Variants in SFTPC observed in about 807,000 individuals in gnomAD.
The protein encoded by SFTPC is surfactant protein C.
Under a neutral mutation model 19.9 loss-of-function variants are expected in SFTPC, and 12 were observed. That is an observed-to-expected ratio of 0.60 (90% CI 0.39 to 0.98). SFTPC has a LOEUF of 0.98. Ranked by LOEUF, SFTPC falls within the 50% of genes least tolerant of loss-of-function variation. The pLI, the probability that SFTPC is intolerant of heterozygous loss-of-function variation, is 0.00. For synonymous variants in SFTPC, 123 were observed against 103.3 expected, an observed-to-expected ratio of 1.19 and a Z score of -1.16; for missense variants, 219 against 252.2, an observed-to-expected ratio of 0.87 and a Z score of 0.89.
At chr8:22,157,836 A>T (rs948993732), upstream of SFTPC, among the ~76,000 whole-genome samples, 2 of 152,204 alleles carry the variant, frequency 1.3e-5, no homozygotes, top group Non-Finnish European at 2.9e-5. Context: ...TCGTTTTTCC[A>T]TTAAAAATGT....
At chr8:22,159,933 G>A, upstream of SFTPC, 16 of 858,662 alleles carry the variant, frequency 1.9e-5, no homozygotes, top group Non-Finnish European at 2.6e-5. Context: ...GCAGGGGTGG[G>A]CACTGCAGGC....
upstream of SFTPC, chr8:22,159,517 G>T: frequency 2.8e-6 from 1 of 360,882 alleles, no homozygotes; most frequent in Middle Eastern, 8.9e-4. Context: ...ACTCCAGGAG[G>T]CAGGCACCCT....
At chr8:22,159,440 C>G (rs1827628096), upstream of SFTPC, 1 of 299,214 alleles carries the variant, frequency 3.3e-6, no homozygotes, top group Non-Finnish European at 6.5e-6. Context: ...TTTGGCACAC[C>G]CAGCTAAAGG....
At chr8:22,160,385 G>A (rs191784131), upstream of SFTPC, among the ~76,000 whole-genome samples, 372 of 152,288 alleles carry the variant, frequency 2.4e-3, 3 homozygotes, top group African/African-American at 8.3e-3. Context: ...TTAGGAGGCC[G>A]AGATCACTTG....
intron 4 of SFTPC, 129 bp from the exon 5 acceptor site, chr8:22,163,772 C>A: frequency 1.0e-6 from 1 of 958,168 alleles, no homozygotes; most frequent in Non-Finnish European, 1.7e-6. Flanking sequence ...GACTCTAGCA[C>A]AGCCCCTCTT....
upstream of SFTPC, among the ~76,000 whole-genome samples, chr8:22,158,380 A>G (rs550904408): frequency 1.4e-4 from 21 of 151,960 alleles, no homozygotes; most frequent in African/African-American, 4.8e-4. Context: ...AACTGTCCCC[A>G]CCCGTCCCTG....
In SFTPC at chr8:22,163,103, G is replaced by T. The variant is rs369210212; in HGVS notation, c.225G>T (p.Ala75=). The change falls in exon 3 of 6, where the codon GCG becomes GCT. Residue 75 remains alanine, a synonymous_variant. Coordinates refer to ENST00000679463, the MANE Select transcript of SFTPC (RefSeq NM_001317778.2). ...TEMVLEMSIG[A]PEAQQRLALS... is the part of the protein sequence containing the mutation. ...AGGTTCTGGAGATGAGCATTGGGGC[G>T]CCGGAAGCCCAGCAACGCCTGGCCC... 161 of 1,614,026 alleles carry T rather than the reference G, an allele frequency of 1.0e-4. No individual in the cohort carries two copies. The highest frequency in any genetic ancestry group is 1.3e-4 in the Non-Finnish European group (156 of 1,180,020).
In SFTPC at chr8:22,164,018, G is replaced by C; in HGVS notation, c.553G>C (p.Glu185Gln). 6.2e-7 allele frequency: 1 copy of C among 1,612,210 alleles called. No individual in the cohort carries two copies. The highest frequency in any genetic ancestry group is 8.5e-7 in the Non-Finnish European group (1 of 1,180,018). Reference protein sequence around the residue: ...LGMAVSTLCGEVPLYYI With the variant: ...LGMAVSTLCGQVPLYYI ...CATGGCCGTGAGCACCCTGTGTGGC[G>C]AGGTGCCGCTCTACTACATCTAGGA... Residue 185 changes from glutamate to glutamine, a missense_variant, in exon 5 of 6, where the codon GAG becomes CAG. By Grantham distance (29) the Glu-to-Gln change is conservative. Coordinates refer to ENST00000679463, the MANE Select transcript of SFTPC (RefSeq NM_001317778.2).
chr8:22,163,769 G>C, intron 4 of SFTPC, 132 bp from the exon 5 acceptor site: 1 of 949,542 alleles, frequency 1.1e-6, no homozygotes, highest in Non-Finnish European at 1.7e-6. Flanking sequence ...TCTGACTCTA[G>C]CACAGCCCCT....
In SFTPC at chr8:22,163,883, A is replaced by G; in HGVS notation, c.436-18A>G. On this transcript the variant is annotated intron_variant, in intron 4 of 5. Transcript: ENST00000679463. ...TAGAAACTCACTTCCTACATTCCAG[A>G]TGGAATGCTCTCTGCAGGCCAAGCC... is the stretch of plus-strand genomic sequence containing the variant. The G allele has an allele frequency of 6.2e-7, 1 of 1,603,330 alleles. No homozygotes were observed. The highest frequency in any genetic ancestry group is 1.7e-4 in the Middle Eastern group (1 of 6,034).
rs755609275 is a variant in SFTPC, at chr8:22,162,583, G to A, written c.52G>A (p.Ala18Thr). The A allele has an allele frequency of 6.8e-6, 11 of 1,613,838 alleles. No individual in the cohort carries two copies. The highest frequency in any genetic ancestry group is 6.6e-5 in the South Asian group (6 of 91,062). ...VLMESPPDYS[A>T]APRGRFGIPC... ...TGCCCCACCGTGTCAGGACTACTCC[G>A]CAGCTCCCCGGGGCCGATTTGGCAT... is the stretch of plus-strand genomic sequence containing the variant. Residue 18 changes from alanine (A) to threonine (T), a missense_variant, in exon 2 of 6, where the codon GCA becomes ACA. Physicochemically the swap from Ala to Thr is moderately conservative, Grantham distance 58 (BLOSUM62 0). Coordinates refer to ENST00000679463, the MANE Select transcript of SFTPC (RefSeq NM_001317778.2).
upstream of SFTPC, among the ~76,000 whole-genome samples, chr8:22,158,402 C>T (rs1305768540): frequency 1.3e-5 from 2 of 152,266 alleles, no homozygotes; most frequent in African/African-American, 2.4e-5. Context: ...CACGGCTCTG[C>T]CCAGTACACA....
At chr8:22,161,591 T>A (rs1183197655), upstream of SFTPC, 2 of 1,323,702 alleles carry the variant, frequency 1.5e-6, no homozygotes, top group Non-Finnish European at 1.0e-6. Flanking sequence ...CCAGGTTTGC[T>A]CTTGCTGGGG....
At chr8:22,161,788 C>T, upstream of SFTPC, 1 of 1,614,000 alleles carries the variant, frequency 6.2e-7, no homozygotes, top group South Asian at 1.1e-5. Context: ...CCTGGTCACA[C>T]CTGGGAGAGG....
At chr8:22,161,601 GC>G, upstream of SFTPC, 1 of 1,394,518 alleles carries the variant, frequency 7.2e-7, no homozygotes, top group Non-Finnish European at 9.5e-7. Flanking sequence ...TCTTGCTGGG[GC>G]CAAGAGGACT....
rs957889901 is a variant in SFTPC, at chr8:22,163,115, G to A, written c.237G>A (p.Gln79=). The A allele has an allele frequency of 6.2e-7, 1 of 1,614,168 alleles. No homozygotes were observed. Among genetic ancestry groups the A allele is most frequent in the Non-Finnish European group, 8.5e-7 (1 of 1,180,028 alleles). The change falls in exon 3 of 6, where the codon CAG becomes CAA. Residue 79 remains glutamine, a synonymous_variant. Transcript: ENST00000679463. ...LEMSIGAPEA[Q]QRLALSEHLV... is the part of the protein sequence containing the mutation. ...TGAGCATTGGGGCGCCGGAAGCCCA[G>A]CAACGCCTGGCCCTGAGTGAGCACC...
At chr8:22,159,924 CA>C (rs986140202), upstream of SFTPC, 20 of 873,708 alleles carry the variant, frequency 2.3e-5, no homozygotes, top group African/African-American at 3.3e-4. Flanking sequence ...TGGGGGAGGG[CA>C]GGGGTGGGCA....
At chr8:22,160,702 G>C (rs10283091), upstream of SFTPC, among the ~76,000 whole-genome samples, 4,801 of 152,296 alleles carry the variant, frequency 0.032, 243 homozygotes, top group African/African-American at 0.11. Flanking sequence ...GAGTTTAGAG[G>C]TGAAGGGACT....
intron 3 of SFTPC, 112 bp from the exon 4 acceptor site, chr8:22,163,324 C>T (rs1827843870): frequency 6.5e-7 from 1 of 1,537,930 alleles, no homozygotes; most frequent in Non-Finnish European, 9.0e-7. Context: ...TGCCTGAGCC[C>T]CAGATTCTAG....
Sources: allele counts gnomAD v4.1 joint callset (sites outside exome capture counted in the v4.1 genomes callset), GRCh38; gene constraint gnomAD v4.1.1; transcripts MANE v1.5; gene names NCBI Gene and HGNC (gene_info 2026-07-23, HGNC 2026-07-21).